The following PTCH2 variants were observed in gnomAD, a reference collection of about 807,000 sequenced individuals.
The protein encoded by PTCH2 is patched 2.
Under a neutral mutation model 117.9 loss-of-function variants are expected in PTCH2, and 96 were observed. The ratio of observed to expected loss-of-function variants is 0.81; its 90% confidence interval spans 0.69 to 0.96. The LOEUF (loss-of-function observed/expected upper bound fraction) is 0.96, where lower values mean the gene tolerates loss of function less well. PTCH2 is among the 50% of genes least tolerant of loss of function. The pLI, the probability that PTCH2 is intolerant of heterozygous loss-of-function variation, is 0.00. For synonymous variants in PTCH2, 615 were observed against 660.9 expected, an observed-to-expected ratio of 0.93 and a Z score of 1.06; for missense variants, 1,379 against 1,562.5, an observed-to-expected ratio of 0.88 and a Z score of 1.98.
rs200149437 is a variant in PTCH2, at chr1:44,842,274, CT to C, written c.73-236del. On this transcript the variant is annotated intron_variant, in intron 1 of 21. Coordinates refer to ENST00000372192, the MANE Select transcript of PTCH2 (RefSeq NM_003738.5). ...CTTTCTTTTCTTTTTGTTTTCTCTCCTTTTTTTTTTTTTTTTTTTTTTTGAG... is the reference window on the plus strand; with the variant it reads ...CTTTCTTTTCTTTTTGTTTTCTCTCCTTTTTTTTTTTTTTTTTTTTTTGAG... Among the ~76,000 whole-genome samples, 508 of 130,810 alleles carry C rather than the reference CT, an allele frequency of 3.9e-3. 2 individuals are homozygous for C. Among genetic ancestry groups the C allele is most frequent in the East Asian group, 7.8e-3 (36 of 4,594 alleles). The allele number at this position is 130,810 out of a possible 152,430, so 85.8% of individuals were successfully genotyped here. A position where few individuals can be genotyped will look rare whatever the true frequency, so the allele number is the denominator to read the frequency against.
At chr1:44,821,608 G>A (rs746868874), downstream of PTCH2, 89 of 265,218 alleles carry the variant, frequency 3.4e-4, 1 homozygote, top group Middle Eastern at 5.5e-3. Context: ...AAGCAGGTAG[G>A]TGGAGGTGAG....
rs759092490 is a variant in PTCH2, at chr1:44,829,456, C to T, written c.1161G>A (p.Leu387=). 6.2e-7 allele frequency: 1 copy of T among 1,614,208 alleles called. No individual in the cohort carries two copies. Residue 387 remains leucine (L), a synonymous_variant, in exon 9 of 22, where the codon CTG becomes CTA. Transcript: ENST00000372192. ...CAGCACTGACTTCAGAGAACGCATG[C>T]AGGATGTCATCCAGGGTGGTGGAGG... The part of the protein sequence containing the change: ...AFSSTTLDDI[L]HAFSEVSAAR...
chr1:44,836,680 G>A (rs561862216), intron 2 of PTCH2, among the ~76,000 whole-genome samples: 2 of 152,114 alleles, frequency 1.3e-5, no homozygotes, highest in African/African-American at 4.8e-5. Flanking sequence ...ACTCCAGCCT[G>A]GGCTAGAGAG....
rs765161775 is a variant in PTCH2, at chr1:44,832,249, G to A, written c.358C>T (p.Arg120Cys). The A allele has an allele frequency of 2.1e-5, 34 of 1,614,070 alleles. No homozygotes were observed. The highest frequency in any genetic ancestry group is 4.0e-5 in the African/African-American group (3 of 74,912). ...YTSQMLIQTA[R>C]QEGENILTPE... is the part of the protein sequence containing the mutation. Reference sequence around the variant, plus strand: ...GTGAGGATGTTCTCTCCCTCCTGGCGTGCGGTCTGTATCAGCATCTGAGAG... The same window carrying A: ...GTGAGGATGTTCTCTCCCTCCTGGCATGCGGTCTGTATCAGCATCTGAGAG... The change falls in exon 3 of 22, where the codon CGC becomes TGC. Residue 120 changes from arginine (R) to cysteine (C), a missense_variant. Arg to Cys is a radical substitution (Grantham distance 180, BLOSUM62 -3). Coordinates refer to ENST00000372192, the MANE Select transcript of PTCH2 (RefSeq NM_003738.5).
In PTCH2 at chr1:44,828,320, A is replaced by G; in HGVS notation, c.1685T>C (p.Leu562Pro). Residue 562 changes from leucine (L) to proline (P), a missense_variant, in exon 13 of 22, where the codon CTT becomes CCT. Leu to Pro is a moderately conservative substitution (Grantham distance 98, BLOSUM62 -3). Transcript: ENST00000372192. ...CCTGGAGAAGCAGCAGAGCACATCA[A>G]GGCGCTGGCAGTGGCGCCGCCGTAG... The part of the protein sequence containing the change: ...LDLRRRHCQR[L>P]DVLCCFSSPC... 1 of 1,613,992 alleles carries G rather than the reference A, an allele frequency of 6.2e-7. No individual in the cohort carries two copies. The highest frequency in any genetic ancestry group is 1.7e-4 in the Middle Eastern group (1 of 6,060).
At chr1:44,841,275 C>T (rs971656287) in intron 2 of PTCH2, among the ~76,000 whole-genome samples, 13 of 151,004 alleles carry the variant, frequency 8.6e-5, no homozygotes, top group African/African-American at 3.2e-4. Context: ...TCCATCTGAC[C>T]CTGGCTATTG....
Position 44,830,587 on chromosome 1 carries a change from C to CAAAAAAAAAAAAA in PTCH2, c.813+248_813+260dup, listed in dbSNP as rs768951349. On this transcript the variant is annotated intron_variant, in intron 6 of 21. Transcript: ENST00000372192. Reference sequence around the variant, plus strand: ...CCAGCCTGGGTGACAGAGTGAGACTCAAAAAAAAAAAAAAAAAGAAGTCCA... The same window carrying CAAAAAAAAAAAAA: ...CCAGCCTGGGTGACAGAGTGAGACTCAAAAAAAAAAAAAAAAAAAAAAAAAAAAAAGAAGTCCA... Among the ~76,000 whole-genome samples, 124 of 65,002 alleles carry CAAAAAAAAAAAAA rather than the reference C, an allele frequency of 1.9e-3. 1 individual carries two copies. The highest frequency in any genetic ancestry group is 4.3e-3 in the East Asian group (8 of 1,852). 42.6% of individuals were successfully genotyped at this position (65,002 alleles called of 152,430 possible).
At chr1:44,829,376 G>A (rs1653323067) in intron 9 of PTCH2, 26 bp downstream of exon 9, 6 of 1,614,048 alleles carry the variant, frequency 3.7e-6, no homozygotes, top group Non-Finnish European at 5.1e-6. Context: ...GTGGGGTGGG[G>A]GCAAGGTGCC....
In PTCH2 at chr1:44,828,429, G is replaced by A. The variant is rs778693828; in HGVS notation, c.1591-15C>T. The stretch of plus-strand genomic sequence containing the variant: ...ACTATGGCCGCCTGGGGGACGGACA[G>A]GAGGGGAATGAAGGCTGGATGAAGC... On this transcript the variant is annotated splice_polypyrimidine_tract_variant and intron_variant, in intron 12 of 21. Coordinates refer to ENST00000372192, the MANE Select transcript of PTCH2 (RefSeq NM_003738.5). 142 of 1,614,046 alleles carry A rather than the reference G, an allele frequency of 8.8e-5. No homozygotes were observed. The highest frequency in any genetic ancestry group is 1.2e-4 in the Non-Finnish European group (138 of 1,180,032).
Position 44,828,993 on chromosome 1 carries a change from T to A in PTCH2, c.1453A>T (p.Thr485Ser), listed in dbSNP as rs2148876853. ...AHAFTEALPG[T>S]PLQERMGECL... is the part of the protein sequence containing the mutation. ...GGACAAGGCCCCACCTGGAGAGGGG[T>A]GCCAGGCAGAGCCTCTGTGAAGGCA... The change falls in exon 11 of 22, where the codon ACC becomes TCC. Residue 485 changes from threonine to serine, a missense_variant. Thr to Ser is a moderately conservative substitution (Grantham distance 58). Transcript: ENST00000372192. 6.4e-7 allele frequency: 1 copy of A among 1,558,208 alleles called. No homozygotes were observed. The highest frequency in any genetic ancestry group is 8.7e-7 in the Non-Finnish European group (1 of 1,150,810).
At position 44,829,074 on chromosome 1, in the gene PTCH2, C is replaced by A. The variant is rs1450868273; in HGVS notation, c.1372G>T (p.Val458Leu). Residue 458 changes from valine (V) to leucine (L), a missense_variant and splice_region_variant, in exon 11 of 22, where the codon GTG becomes TTG. Transcript: ENST00000372192. Reference sequence around the variant, plus strand: ...ATTCCCAGAGCCAAGAAGGGCAGCACCTGGAGGGGCAGAGGAGCGGGCAGC... The same window carrying A: ...ATTCCCAGAGCCAAGAAGGGCAGCAACTGGAGGGGCAGAGGAGCGGGCAGC... ...GITFNAATTQ[V>L]LPFLALGIGV... 6 of 1,612,082 alleles carry A rather than the reference C, an allele frequency of 3.7e-6. No individual in the cohort carries two copies. In the South Asian group the frequency reaches 6.6e-5, roughly 18 times the overall value.
chr1:44,832,456 A>G, intron 2 of PTCH2, 115 bp from the exon 3 acceptor site: 1 of 1,090,854 alleles, frequency 9.2e-7, no homozygotes, highest in Non-Finnish European at 1.4e-6. Flanking sequence ...TGCGGCAGAG[A>G]GGAGTCCCTG....
chr1:44,835,902 A>T (rs759692740), intron 2 of PTCH2, among the ~76,000 whole-genome samples: 3 of 152,178 alleles, frequency 2.0e-5, no homozygotes, highest in Non-Finnish European at 4.4e-5. Flanking sequence ...TGGAGAAGCA[A>T]TCAAGTCCAA....
rs766689245 is a variant in PTCH2, at chr1:44,823,149, T to A, written c.3277A>T (p.Thr1093Ser). ...FIVRYFFAAL[T>S]VLTLLGLLHG... ...AGGAGGCCCAGGAGCGTGAGCACTGTCAGCGCCGCAAAGAAGTACCTAGGG... is the reference window on the plus strand; with the variant it reads ...AGGAGGCCCAGGAGCGTGAGCACTGACAGCGCCGCAAAGAAGTACCTAGGG... Residue 1093 changes from threonine to serine, a missense_variant, in exon 21 of 22, where the codon ACA becomes TCA. Physicochemically the swap from Thr to Ser is moderately conservative, Grantham distance 58. Transcript: ENST00000372192. The surrounding 1 kb of genome is among the most constrained non-coding windows in gnomAD (Gnocchi z 5.1). 2 of 1,614,028 alleles carry A rather than the reference T, an allele frequency of 1.2e-6. No individual in the cohort carries two copies. The highest frequency in any genetic ancestry group is 1.7e-6 in the Non-Finnish European group (2 of 1,179,994).
intron 3 of PTCH2, 23 bp downstream of exon 3, chr1:44,832,129 C>A: frequency 6.2e-7 from 1 of 1,614,044 alleles, no homozygotes; most frequent in Non-Finnish European, 8.5e-7. Flanking sequence ...CCCCCAGCTG[C>A]TCAGGGGCTC....
chr1:44,838,873 C>T (rs1264867985), intron 2 of PTCH2, among the ~76,000 whole-genome samples: 2 of 152,138 alleles, frequency 1.3e-5, no homozygotes, highest in African/African-American at 4.8e-5. Flanking sequence ...GCGCGAACCA[C>T]CGCACTTGGC....
At position 44,822,108 on chromosome 1, in the gene PTCH2, G is replaced by T. The variant is rs1453262945; in HGVS notation, c.*307C>A. The T allele has an allele frequency of 2.9e-6, 4 of 1,387,686 alleles. No individual in the cohort carries two copies. Among genetic ancestry groups the T allele is most frequent in the Non-Finnish European group, 3.7e-6 (4 of 1,070,670 alleles). 86.0% of individuals were successfully genotyped at this position (1,387,686 alleles called of 1,614,324 possible). A position where few individuals can be genotyped will look rare whatever the true frequency, so the allele number is the denominator to read the frequency against. On this transcript the variant is annotated 3_prime_UTR_variant, in exon 22 of 22. Coordinates refer to ENST00000372192, the MANE Select transcript of PTCH2 (RefSeq NM_003738.5). ...GTCACCAGACGGAAGGGTGCTGGAG[G>T]GTCCCTCAGGCTTGGTCAGCTGGGC...
In PTCH2 at chr1:44,829,229, C is replaced by T; in HGVS notation, c.1299G>A (p.Val433=). 3 of 1,613,580 alleles carry T rather than the reference C, an allele frequency of 1.9e-6. No individual in the cohort carries two copies. The highest frequency in any genetic ancestry group is 2.5e-6 in the Non-Finnish European group (3 of 1,180,010). ...CAAGGCCTGAGGCCACCGCCAGGGC[C>T]ACCAGCAGTACCCCGGCAAGGCCCA... The part of the protein sequence containing the change: ...GSVGLAGVLL[V]ALAVASGLGL... The change falls in exon 10 of 22, where the codon GTG becomes GTA. Residue 433 remains valine (V), a synonymous_variant. Transcript: ENST00000372192.
intron 2 of PTCH2, among the ~76,000 whole-genome samples, chr1:44,835,311 C>T (rs1470765685): frequency 6.6e-6 from 1 of 152,144 alleles, no homozygotes; most frequent in Non-Finnish European, 1.5e-5. Context: ...CCCACCTCAG[C>T]CTCTGAAAGT....
Sources: gnomAD v4.1 joint callset for allele counts (sites outside exome capture counted in the v4.1 genomes callset) on GRCh38, gnomAD v4.1.1 for gene constraint, Gnocchi (gnomAD v3.1) non-coding constraint, MANE v1.5 for transcripts, NCBI Gene and HGNC (gene_info 2026-07-23, HGNC 2026-07-21) for gene names.